The following COLEC12 variants were observed in gnomAD, a reference collection of about 807,000 sequenced individuals.
The protein encoded by COLEC12 is collectin-12.
COLEC12 carries 33 observed loss-of-function variants against 71.1 expected under a neutral mutation model. The ratio of observed to expected loss-of-function variants is 0.46; its 90% confidence interval spans 0.35 to 0.62. The LOEUF (loss-of-function observed/expected upper bound fraction) is 0.62, where lower values mean the gene tolerates loss of function less well. Ranked by LOEUF, COLEC12 falls within the 20% of genes least tolerant of loss-of-function variation. The probability of loss-of-function intolerance (pLI) is 0.00; values close to 1 mark genes in which losing one functional copy is unlikely to be tolerated. For missense variants in COLEC12, 765 were observed against 916.1 expected (o/e 0.84, Z 2.13); for synonymous variants, 350 against 353.0 (o/e 0.99, Z 0.10).
chr18:338,097 G>A (rs368839238), intron 5 of COLEC12, among the ~76,000 whole-genome samples: 5 of 152,038 alleles, frequency 3.3e-5, no homozygotes, highest in African/African-American at 1.2e-4. Flanking sequence ...ACCTAGTCTC[G>A]CCTGTGTTTA....
chr18:379,539 A>G (rs944322527), intron 2 of COLEC12, among the ~76,000 whole-genome samples: 2 of 152,328 alleles, frequency 1.3e-5, no homozygotes, highest in South Asian at 2.1e-4. Context: ...GGGAAAAAGG[A>G]AGAAGTAAAA....
intron 3 of COLEC12, among the ~76,000 whole-genome samples, chr18:353,154 T>C (rs1914559754): frequency 1.3e-5 from 2 of 152,154 alleles, no homozygotes; most frequent in African/African-American, 4.8e-5. Context: ...CACTTCTCCT[T>C]GAAGGTCCGC....
At chr18:435,879 T>G (rs1567907315) in intron 2 of COLEC12, among the ~76,000 whole-genome samples, 1 of 152,208 alleles carries the variant, frequency 6.6e-6, no homozygotes, top group Admixed American at 6.5e-5. Context: ...CACTCTTATT[T>G]CTGATGACAA....
At chr18:499,859 C>G (rs1163009337) in intron 1 of COLEC12, among the ~76,000 whole-genome samples, 1 of 132,140 alleles carries the variant, frequency 7.6e-6, no homozygotes, top group Non-Finnish European at 1.5e-5. Context: ...GTGTGTCACC[C>G]CAAAACACCA....
intron 2 of COLEC12, among the ~76,000 whole-genome samples, chr18:414,727 G>A (rs1390248203): frequency 1.3e-5 from 2 of 152,126 alleles, no homozygotes; most frequent in Admixed American, 6.5e-5. Context: ...AGGAAAGGGC[G>A]GCCCAGAGAT....
At position 412,140 on chromosome 18, in the gene COLEC12, C is replaced by G. The variant is rs1230815166; in HGVS notation, c.59-54618G>C. On this transcript the variant is annotated intron_variant, in intron 2 of 9. Transcript: ENST00000400256. Reference sequence around the variant, plus strand: ...GAGTGAATTCCAAACAGGATAAAGCCAAAAAAATACACATCAAGACACATC... The same window carrying G: ...GAGTGAATTCCAAACAGGATAAAGCGAAAAAAATACACATCAAGACACATC... 2.0e-5 allele frequency among the ~76,000 whole-genome samples: 3 copies of G among 151,758 alleles called. No individual in the cohort carries two copies. In the East Asian group the frequency reaches 5.8e-4, roughly 29 times the overall value.
At chr18:453,835 A>G (rs1916811072) in intron 2 of COLEC12, among the ~76,000 whole-genome samples, 2 of 152,164 alleles carry the variant, frequency 1.3e-5, no homozygotes, top group East Asian at 1.9e-4. Context: ...CAAGATGCTT[A>G]GCTCAAGCAC....
At chr18:370,558 C>A (rs1357872823) in intron 2 of COLEC12, among the ~76,000 whole-genome samples, 3 of 152,182 alleles carry the variant, frequency 2.0e-5, no homozygotes, top group African/African-American at 7.2e-5. Context: ...TAATTTGCAG[C>A]ATATATTTGT....
At chr18:349,315 A>T (rs1007114189) in intron 3 of COLEC12, among the ~76,000 whole-genome samples, 12 of 152,246 alleles carry the variant, frequency 7.9e-5, no homozygotes, top group Non-Finnish European at 1.3e-4. Context: ...TGCAAGTCTC[A>T]AGCCTTGGCA....
rs531145346 is a variant in COLEC12 at position 376,073 on chromosome 18, G to A, written c.59-18551C>T. ...CAGAGAGAGGATTCAAACCCAGATC[G>A]ACTCCATTCCGTGCACTAATTTCCC... On this transcript the variant is annotated intron_variant, in intron 2 of 9. Coordinates refer to ENST00000400256, the MANE Select transcript of COLEC12 (RefSeq NM_130386.3). Among the ~76,000 whole-genome samples the A allele has an allele frequency of 1.4e-4, 22 of 152,254 alleles. No homozygotes were observed. The East Asian group carries it at 1.9e-3, about 13-fold the overall frequency.
At chr18:431,566 T>C (rs185768620) in intron 2 of COLEC12, among the ~76,000 whole-genome samples, 190 of 152,032 alleles carry the variant, frequency 1.2e-3, no homozygotes, top group African/African-American at 4.3e-3. Flanking sequence ...TCTGGGCAAA[T>C]AGGGATGGCA....
In COLEC12 at chr18:335,050, C is replaced by T; in HGVS notation, c.1508G>A (p.Gly503Asp). 6.2e-7 allele frequency: 1 copy of T among 1,604,136 alleles called. No homozygotes were observed. Among genetic ancestry groups the T allele is most frequent in the Non-Finnish European group, 8.5e-7 (1 of 1,177,034 alleles). Residue 503 changes from glycine to aspartate, a missense_variant, in exon 6 of 10, where the codon GGC becomes GAC. Coordinates refer to ENST00000400256, the MANE Select transcript of COLEC12 (RefSeq NM_130386.3). ...ACGGGAGCCTTTGGGGCCCTGGGAG[C>T]CTTTAGATCCTTTGCCGCCACGCTC... is the stretch of plus-strand genomic sequence containing the variant. Reference protein sequence around the residue: ...PGERGGKGSKGSQGPKGSRGS... With the variant: ...PGERGGKGSKDSQGPKGSRGS...
At chr18:380,660 G>A (rs1208076114) in intron 2 of COLEC12, among the ~76,000 whole-genome samples, 1 of 152,044 alleles carries the variant, frequency 6.6e-6, no homozygotes, top group African/African-American at 2.4e-5. Context: ...AGGGGTGTGG[G>A]TTCCAGGTGG....
chr18:403,653 G>C (rs1392721380), intron 2 of COLEC12, among the ~76,000 whole-genome samples: 1 of 152,210 alleles, frequency 6.6e-6, no homozygotes, highest in Non-Finnish European at 1.5e-5. Flanking sequence ...ATTTCTAAAA[G>C]ATAAATGGAA....
At chr18:355,564 G>A (rs1185227061) in intron 3 of COLEC12, among the ~76,000 whole-genome samples, 1 of 152,144 alleles carries the variant, frequency 6.6e-6, no homozygotes, top group Non-Finnish European at 1.5e-5. Context: ...ATGCATAAAT[G>A]TCCCAGACTT....
At chr18:431,163 A>ATT (rs879686531) in intron 2 of COLEC12, among the ~76,000 whole-genome samples, 16 of 142,110 alleles carry the variant, frequency 1.1e-4, no homozygotes, top group African/African-American at 4.1e-4. Flanking sequence ...CACTCAGCTA[A>ATT]TTTTTTTTTT....
intron 2 of COLEC12, among the ~76,000 whole-genome samples, chr18:468,432 T>A (rs900037106): frequency 1.3e-5 from 2 of 152,194 alleles, no homozygotes; most frequent in Admixed American, 6.5e-5. Flanking sequence ...AGAGTTTATA[T>A]CATTTTGCAA....
At chr18:441,664 A>G (rs1916538161) in intron 2 of COLEC12, among the ~76,000 whole-genome samples, 1 of 152,100 alleles carries the variant, frequency 6.6e-6, no homozygotes, top group South Asian at 2.1e-4. Context: ...AATACTAACA[A>G]TGTTTTTCTT....
At chr18:384,722 G>GTT (rs551917512) in intron 2 of COLEC12, among the ~76,000 whole-genome samples, 64 of 152,336 alleles carry the variant, frequency 4.2e-4, no homozygotes, top group African/African-American at 1.5e-3. Context: ...AAGGTCCTGT[G>GTT]TAACTGTGAT....
Sources: allele counts gnomAD v4.1 joint callset (sites outside exome capture counted in the v4.1 genomes callset), GRCh38; gene constraint gnomAD v4.1.1; transcripts MANE v1.5; gene names NCBI Gene and HGNC (gene_info 2026-07-23, HGNC 2026-07-21).